Variants in HAUS4 observed in about 807,000 individuals in gnomAD.
HAUS4 encodes the protein HAUS augmin-like complex subunit 4.
Under a neutral mutation model 50.6 loss-of-function variants are expected in HAUS4, and 34 were observed. That is an observed-to-expected ratio of 0.67 (90% CI 0.51 to 0.90). HAUS4 has a LOEUF of 0.90. Ranked by LOEUF, HAUS4 falls within the 40% of genes least tolerant of loss-of-function variation. The pLI is 0.00. For missense variants in HAUS4, 370 were observed against 428.7 expected (o/e 0.86, Z 1.21); for synonymous variants, 149 against 161.4 (o/e 0.92, Z 0.58).
At chr14:22,948,814 C>T (rs919372129) in intron 6 of HAUS4, among the ~76,000 whole-genome samples, 2 of 152,020 alleles carry the variant, frequency 1.3e-5, no homozygotes, top group Non-Finnish European at 2.9e-5. Flanking sequence ...GTATTACAGG[C>T]GTAAGCCACC....
chr14:22,952,199 G>C, intron 4 of HAUS4, 129 bp downstream of exon 4: 1 of 693,880 alleles, frequency 1.4e-6, no homozygotes, highest in Non-Finnish European at 2.4e-6. Context: ...TGTATTTTTA[G>C]TAGAGACGGG....
At chr14:22,949,146 A>T (rs1344164869) in intron 6 of HAUS4, among the ~76,000 whole-genome samples, 1 of 126,632 alleles carries the variant, frequency 7.9e-6, no homozygotes, top group African/African-American at 3.0e-5. Flanking sequence ...GACAAGAATG[A>T]AACTCCGTCT....
At chr14:22,948,170 T>C (rs1339328978) in intron 6 of HAUS4, 157 bp from the exon 7 acceptor site, 3 of 762,800 alleles carry the variant, frequency 3.9e-6, no homozygotes, top group Non-Finnish European at 6.1e-6. Flanking sequence ...CATTCTGGGC[T>C]GAGCATGGTG....
At position 22,946,421 on chromosome 14, in the gene HAUS4, A is replaced by C; in HGVS notation, c.*104T>G. ...GTGTTTCAAGCGTAAGCATTTCCACACTCCCTTGTACTGAAGGCAGCCCCA... is the reference window on the plus strand; with the variant it reads ...GTGTTTCAAGCGTAAGCATTTCCACCCTCCCTTGTACTGAAGGCAGCCCCA... On this transcript the variant is annotated 3_prime_UTR_variant, in exon 10 of 10. Transcript: ENST00000541587. 1.3e-6 allele frequency: 1 copy of C among 764,282 alleles called. No individual in the cohort carries two copies. The allele number at this position is 764,282 out of a possible 1,614,324, so 47.3% of individuals were successfully genotyped here.
chr14:22,953,025 T>A (rs2044785042), intron 2 of HAUS4, among the ~76,000 whole-genome samples: 1 of 152,192 alleles, frequency 6.6e-6, no homozygotes, highest in Non-Finnish European at 1.5e-5. Context: ...CCAAAATTAA[T>A]AGAGTTCTTG....
chr14:22,952,556 T>C lies in HAUS4; in HGVS notation c.183A>G (p.Ala61=). The change falls in exon 3 of 10, where the codon GCA becomes GCG. Residue 61 remains alanine (A), a synonymous_variant. Coordinates refer to ENST00000541587, the MANE Select transcript of HAUS4 (RefSeq NM_001166269.2). ...AAGCCCTTACCTGAGCCTGCTCCTT[T>C]GCTAGGGTGAGGCTTAAGCCACTCT... ...VDESGLSLTL[A]KEQAQAWKEV... is the part of the protein sequence containing the mutation. 1.2e-6 allele frequency: 2 copies of C among 1,613,450 alleles called. No homozygotes were observed. Among genetic ancestry groups the C allele is most frequent in the African/African-American group, 1.3e-5 (1 of 74,994 alleles).
At chr14:22,953,552 T>G (rs2044798845) in intron 2 of HAUS4, among the ~76,000 whole-genome samples, 1 of 152,044 alleles carries the variant, frequency 6.6e-6, no homozygotes, top group Admixed American at 6.6e-5. Flanking sequence ...TTCAAACGAT[T>G]CTCCTGCCTC....
intron 2 of HAUS4, among the ~76,000 whole-genome samples, chr14:22,953,721 C>T (rs1433800766): frequency 6.6e-6 from 1 of 151,642 alleles, no homozygotes; most frequent in African/African-American, 2.4e-5. Flanking sequence ...CCCAGATTCA[C>T]GCCATTCTCC....
chr14:22,947,102 A>C, intron 9 of HAUS4, 69 bp downstream of exon 9: 1 of 1,071,198 alleles, frequency 9.3e-7, no homozygotes, highest in East Asian at 2.4e-5. Context: ...CAACATCTTT[A>C]AATAAACGAG....
intron 5 of HAUS4, 180 bp downstream of exon 5, chr14:22,951,375 T>G: frequency 1.5e-6 from 1 of 665,432 alleles, no homozygotes; most frequent in South Asian, 1.7e-5. Flanking sequence ...ATATTGTGCT[T>G]CTAGATGCAG....
chr14:22,954,470 G>C (rs2044821412), intron 2 of HAUS4: 1 of 152,162 alleles, frequency 6.6e-6, no homozygotes, highest in Non-Finnish European at 1.5e-5. Flanking sequence ...TAAGATATGA[G>C]AATATTTAAG....
chr14:22,946,785 T>TC (rs1392947315), intron 9 of HAUS4, 77 bp from the exon 10 acceptor site: 15 of 959,964 alleles, frequency 1.6e-5, no homozygotes, highest in Non-Finnish European at 2.1e-5. Flanking sequence ...GAAAAACTTT[T>TC]TTTTTTTTTT....
Position 22,951,789 on chromosome 14 carries a change from G to A in HAUS4, c.331-100C>T, listed in dbSNP as rs1043528495. The A allele has an allele frequency of 4.5e-6, 5 of 1,107,092 alleles. No individual in the cohort carries two copies. The African/African-American group carries it at 4.7e-5, about 10-fold the overall frequency. 68.6% of individuals were successfully genotyped at this position (1,107,092 alleles called of 1,614,324 possible). On this transcript the variant is annotated intron_variant, in intron 4 of 9. Coordinates refer to ENST00000541587, the MANE Select transcript of HAUS4 (RefSeq NM_001166269.2). Reference sequence around the variant, plus strand: ...AACCAGTTTTTCACATATTTTCAAAGTCCTCAAATATATCATCCCCCCTCA... The same window carrying A: ...AACCAGTTTTTCACATATTTTCAAAATCCTCAAATATATCATCCCCCCTCA...
chr14:22,954,589 A>C (rs2044822884), intron 2 of HAUS4: 1 of 152,322 alleles, frequency 6.6e-6, no homozygotes, highest in African/African-American at 2.4e-5. Context: ...CTACTACACA[A>C]GCAGATATTG....
Position 22,950,381 on chromosome 14 carries a change from C to T in HAUS4, c.495G>A (p.Gln165=). 1 of 1,612,616 alleles carries T rather than the reference C, an allele frequency of 6.2e-7. No individual in the cohort carries two copies. The highest frequency in any genetic ancestry group is 8.5e-7 in the Non-Finnish European group (1 of 1,178,698). The change falls in exon 6 of 10, where the codon CAG becomes CAA. Residue 165 remains glutamine, a synonymous_variant. Coordinates refer to ENST00000541587, the MANE Select transcript of HAUS4 (RefSeq NM_001166269.2). ...EDFVWMRARL[Q]QEVEEQLKKK... is the part of the protein sequence containing the mutation. ...TTTTGAGCTGCTCCTCTACTTCTTG[C>T]TGTAGCCGAGCCCTCATCCACACAA... is the stretch of plus-strand genomic sequence containing the variant.
chr14:22,956,999 C>T lies in HAUS4; in HGVS notation c.-106G>A, dbSNP rs923671900. 6.5e-6 allele frequency: 1 copy of T among 154,566 alleles called. No individual in the cohort carries two copies. The highest frequency in any genetic ancestry group is 6.5e-5 in the Admixed American group (1 of 15,312). The allele number at this position is 154,566 out of a possible 1,614,324, so 9.6% of individuals were successfully genotyped here. On this transcript the variant is annotated 5_prime_UTR_variant, in exon 1 of 10. Transcript: ENST00000541587. ...GGGCTGGCCAGCAGCGTCTACACCC[C>T]AGAACCCGCCCGCGCCGGGGCTCCG...
At chr14:22,947,831 G>C in intron 7 of HAUS4, 37 bp downstream of exon 7, 2 of 1,611,168 alleles carry the variant, frequency 1.2e-6, no homozygotes, top group African/African-American at 1.3e-5. Context: ...CCTGGGGTCA[G>C]GATAAAGGAA....
intron 6 of HAUS4, among the ~76,000 whole-genome samples, chr14:22,949,687 C>G (rs2044716533): frequency 1.3e-5 from 2 of 152,098 alleles, no homozygotes; most frequent in Non-Finnish European, 2.9e-5. Context: ...ATTATACCCT[C>G]CAAGCTTATA....
chr14:22,956,373 C>T (rs1047896311), intron 1 of HAUS4, among the ~76,000 whole-genome samples: 7 of 152,146 alleles, frequency 4.6e-5, no homozygotes, highest in African/African-American at 1.7e-4. Context: ...TAGTTAAGTT[C>T]AGTGTTTTAA....
Sources: allele counts gnomAD v4.1 joint callset (sites outside exome capture counted in the v4.1 genomes callset), GRCh38; gene constraint gnomAD v4.1.1; transcripts MANE v1.5; gene names NCBI Gene and HGNC (gene_info 2026-07-23, HGNC 2026-07-21).